The following VPS53 variants were observed in gnomAD, a reference collection of about 807,000 sequenced individuals.
VPS53 encodes vacuolar protein sorting-associated protein 53 homolog.
VPS53 carries 70 observed loss-of-function variants against 107.0 expected under a neutral mutation model. The observed-to-expected ratio is 0.65, with a 90% confidence interval of 0.54 to 0.80. The LOEUF is 0.80. Among genes scored for constraint, VPS53 ranks in the 30% least tolerant of loss-of-function variants. VPS53 has a pLI of 0.00. For missense variants in VPS53, 917 were observed against 1,049.4 expected, an observed-to-expected ratio of 0.87 and a Z score of 1.74; for synonymous variants, 409 against 393.3, an observed-to-expected ratio of 1.04 and a Z score of -0.47.
rs1908629510 is a variant in VPS53, at chr17:520,276, G to GGAGT, written c.2224-350_2224-347dup. 6.6e-6 allele frequency among the ~76,000 whole-genome samples: 1 copy of GGAGT among 152,170 alleles called. No individual in the cohort carries two copies. Among genetic ancestry groups the GGAGT allele is most frequent in the Non-Finnish European group, 1.5e-5 (1 of 68,018 alleles). ...AGACTCTAATTCAGTAGGCCTGGCT[G>GGAGT]GAGTCCCAGGTGACTTTTAAACTAT... is the stretch of plus-strand genomic sequence containing the variant. On this transcript the variant is annotated intron_variant, in intron 20 of 21. Coordinates refer to ENST00000437048, the MANE Select transcript of VPS53 (RefSeq NM_001128159.3). The surrounding 1 kb of genome is among the most constrained non-coding windows in gnomAD (Gnocchi z 4.4).
intron 7 of VPS53, among the ~76,000 whole-genome samples, chr17:633,395 C>A (rs1046075680): frequency 6.6e-6 from 1 of 152,194 alleles, no homozygotes; most frequent in African/African-American, 2.4e-5. Context: ...AAAGAGCACA[C>A]TTCCATTCTC....
chr17:589,960 C>A (rs985266529), intron 12 of VPS53, among the ~76,000 whole-genome samples: 6 of 151,914 alleles, frequency 3.9e-5, no homozygotes, highest in Non-Finnish European at 5.9e-5. Context: ...CTGTAAATTA[C>A]CTTGGGCAGT....
intron 1 of VPS53, among the ~76,000 whole-genome samples, chr17:711,930 T>A (rs1597521051): frequency 1.3e-5 from 2 of 151,890 alleles, no homozygotes; most frequent in Non-Finnish European, 2.9e-5. Context: ...CATTCTCCTG[T>A]CTCAGCCTCT....
chr17:631,932 T>C (rs1969981602), intron 7 of VPS53, among the ~76,000 whole-genome samples: 1 of 151,990 alleles, frequency 6.6e-6, no homozygotes, highest in African/African-American at 2.4e-5. Flanking sequence ...TGTGGGAAAA[T>C]GTTATAGAAT....
At chr17:636,925 G>C (rs1450362648) in intron 7 of VPS53, among the ~76,000 whole-genome samples, 1 of 152,176 alleles carries the variant, frequency 6.6e-6, no homozygotes, top group Non-Finnish European at 1.5e-5. Flanking sequence ...GATGATGCTG[G>C]TCTCATAAAA....
At chr17:675,196 G>A (rs1435371062) in intron 4 of VPS53, 1 of 152,112 alleles carries the variant, frequency 6.6e-6, no homozygotes, top group Non-Finnish European at 1.5e-5. Flanking sequence ...CTGCCCACAA[G>A]ACACTAGTTA....
rs535544992 is a variant in VPS53, at chr17:518,974, C to G, written c.*154G>C. The G allele has an allele frequency of 2.6e-5, 21 of 807,544 alleles. No individual in the cohort carries two copies. In the African/African-American group the frequency reaches 3.0e-4, roughly 11 times the overall value. The allele number at this position is 807,544 out of a possible 1,614,324, so 50.0% of individuals were successfully genotyped here. A position where few individuals can be genotyped will look rare whatever the true frequency, so the allele number is the denominator to read the frequency against. ...TCTCCGATTAGGGCAGGAAGTAAGA[C>G]AGGGCATGGGAGAGACTCAGTAACA... On this transcript the variant is annotated 3_prime_UTR_variant, in exon 22 of 22. Coordinates refer to ENST00000437048, the MANE Select transcript of VPS53 (RefSeq NM_001128159.3).
At chr17:537,237 T>C (rs1910159241) in intron 17 of VPS53, 61 bp from the exon 18 acceptor site, 1 of 1,579,430 alleles carries the variant, frequency 6.3e-7, no homozygotes, top group Middle Eastern at 1.9e-4. Context: ...CGCCTGTTAC[T>C]GGGGAAGGGA....
At position 668,391 on chromosome 17, in the gene VPS53, C is replaced by G. The variant is rs2279890; in HGVS notation, c.286-6496G>C. 3.9e-5 allele frequency among the ~76,000 whole-genome samples: 6 copies of G among 152,220 alleles called. No homozygotes were observed. In the East Asian group the frequency reaches 9.6e-4, roughly 24 times the overall value. The stretch of plus-strand genomic sequence containing the variant: ...AAGAGTGCTGGTGCTGAGGCTACCG[C>G]TCTGAATAAGTGCGCTCATAACCAT... On this transcript the variant is annotated intron_variant, in intron 4 of 21. Coordinates refer to ENST00000437048, the MANE Select transcript of VPS53 (RefSeq NM_001128159.3).
At chr17:639,894 C>T (rs950319474) in intron 7 of VPS53, among the ~76,000 whole-genome samples, 7 of 152,212 alleles carry the variant, frequency 4.6e-5, no homozygotes, top group Non-Finnish European at 8.8e-5. Context: ...ATCTCAAATT[C>T]TGTGCTGGGA....
intron 12 of VPS53, among the ~76,000 whole-genome samples, chr17:595,557 A>G (rs1967926816): frequency 6.0e-5 from 1 of 16,706 alleles, no homozygotes; most frequent in Non-Finnish European, 1.2e-4. Context: ...GGAAGCTGGG[A>G]GATGGGAAGG....
chr17:633,249 C>T (rs1970037060), intron 7 of VPS53, among the ~76,000 whole-genome samples: 1 of 152,184 alleles, frequency 6.6e-6, no homozygotes, highest in African/African-American at 2.4e-5. Context: ...TGCTGTGCAT[C>T]CCCCACGAGC....
chr17:660,948 G>T (rs1049042754), intron 5 of VPS53, among the ~76,000 whole-genome samples: 2 of 152,138 alleles, frequency 1.3e-5, no homozygotes, highest in Non-Finnish European at 2.9e-5. Flanking sequence ...AGGAGAAGGT[G>T]AATGCTGGAT....
intron 14 of VPS53, among the ~76,000 whole-genome samples, chr17:562,291 G>A (rs527934641): frequency 7.2e-5 from 11 of 152,258 alleles, no homozygotes; most frequent in East Asian, 5.8e-4. Flanking sequence ...ATTTGCCCAC[G>A]TGGGCAGTCA....
chr17:635,555 T>A (rs1330366921), intron 7 of VPS53, among the ~76,000 whole-genome samples: 2 of 152,198 alleles, frequency 1.3e-5, no homozygotes, highest in African/African-American at 4.8e-5. Context: ...CTTTAATCCA[T>A]CTTGAATTAA....
In VPS53 at chr17:512,459, T is replaced by C. The variant is rs1020848225; in HGVS notation, c.*6669A>G. On this transcript the variant is annotated 3_prime_UTR_variant, in exon 22 of 22. Transcript: ENST00000437048. Reference sequence around the variant, plus strand: ...AATCCCAGGCTGCTTTCATTTCTGATGGACACGTCCTTCATGTCCCACAGA... The same window carrying C: ...AATCCCAGGCTGCTTTCATTTCTGACGGACACGTCCTTCATGTCCCACAGA... 6.6e-6 allele frequency: 1 copy of C among 152,244 alleles called. No homozygotes were observed. Among genetic ancestry groups the C allele is most frequent in the Admixed American group, 6.5e-5 (1 of 15,284 alleles). The allele number at this position is 152,244 out of a possible 1,614,324, so 9.4% of individuals were successfully genotyped here.
At chr17:540,692 G>A (rs1207789508) in intron 17 of VPS53, 1 of 152,192 alleles carries the variant, frequency 6.6e-6, no homozygotes, top group Non-Finnish European at 1.5e-5. Context: ...CTTGGGTAGA[G>A]TTGAATACAG....
chr17:598,051 C>T (rs1017739054), intron 12 of VPS53, among the ~76,000 whole-genome samples: 8 of 151,820 alleles, frequency 5.3e-5, no homozygotes, highest in East Asian at 2.0e-4. Context: ...GCTGCCATCT[C>T]GGCTCACTGC....
At chr17:696,832 G>A (rs930855391) in intron 4 of VPS53, among the ~76,000 whole-genome samples, 11 of 124,848 alleles carry the variant, frequency 8.8e-5, no homozygotes, top group South Asian at 7.2e-4. Flanking sequence ...CACCCCTGTC[G>A]TCCATGCTGG....
Sources: allele counts gnomAD v4.1 joint callset (sites outside exome capture counted in the v4.1 genomes callset), GRCh38; gene constraint gnomAD v4.1.1; non-coding constraint Gnocchi (gnomAD v3.1); transcripts MANE v1.5; gene names NCBI Gene and HGNC (gene_info 2026-07-23, HGNC 2026-07-21).